The following C16orf74 variants were observed in gnomAD, a reference collection of about 807,000 sequenced individuals.
The protein encoded by C16orf74 is uncharacterized protein C16orf74.
A neutral mutation model predicts 6.5 loss-of-function variants in C16orf74; 10 were observed. The ratio of observed to expected loss-of-function variants is 1.54; its 90% CI spans 0.95 to 2.61. The LOEUF (loss-of-function observed/expected upper bound fraction) is 2.61. C16orf74 is among the 30% of genes most tolerant of loss of function. C16orf74 has a pLI of 0.00. For synonymous variants in C16orf74, 60 were observed against 42.5 expected (o/e 1.41, Z -1.60); for missense variants, 141 against 105.9 (o/e 1.33, Z -1.45).
chr16:85,714,186 G>A (rs1251245457), intron 2 of C16orf74, among the ~76,000 whole-genome samples: 1 of 151,960 alleles, frequency 6.6e-6, no homozygotes, highest in Non-Finnish European at 1.5e-5. Context: ...GGGGAGAGAC[G>A]GCCACGGTCC....
chr16:85,748,211 G>A (rs1286078215), intron 1 of C16orf74, among the ~76,000 whole-genome samples: 1 of 151,632 alleles, frequency 6.6e-6, no homozygotes, highest in Non-Finnish European at 1.5e-5. Context: ...CTGGAAAGGT[G>A]GGACAACTGA....
chr16:85,722,955 T>C (rs1006352433), intron 2 of C16orf74, among the ~76,000 whole-genome samples: 1 of 152,198 alleles, frequency 6.6e-6, no homozygotes, highest in South Asian at 2.1e-4. Context: ...GAAAAGAGGT[T>C]GAGCCACTTG....
chr16:85,727,090 A>T (rs1044591536), intron 2 of C16orf74, among the ~76,000 whole-genome samples: 2 of 152,232 alleles, frequency 1.3e-5, no homozygotes, highest in African/African-American at 4.8e-5. Context: ...TCATCCCTGT[A>T]GCCCCGGCAC....
chr16:85,740,827 C>CAAA (rs57813380), intron 1 of C16orf74, among the ~76,000 whole-genome samples: 10,808 of 97,864 alleles, frequency 0.11, 3,074 homozygotes, highest in African/African-American at 0.41. Context: ...GTGAGACCCT[C>CAAA]AAAAAAAAAA....
At chr16:85,710,437 G>A (rs542456065) in intron 2 of C16orf74, 130 bp from the exon 3 acceptor site, 132 of 803,180 alleles carry the variant, frequency 1.6e-4, no homozygotes, top group Non-Finnish European at 2.3e-4. Context: ...GCAGCAAGGA[G>A]CGCAGCTGTC....
intron 3 of C16orf74, among the ~76,000 whole-genome samples, chr16:85,708,757 C>T (rs956389583): frequency 2.0e-5 from 3 of 152,244 alleles, no homozygotes; most frequent in South Asian, 2.1e-4. Flanking sequence ...AGCTTTCTCC[C>T]AGTCACTCGC....
At chr16:85,709,923 C>A (rs2053951094) in intron 3 of C16orf74, among the ~76,000 whole-genome samples, 2 of 152,256 alleles carry the variant, frequency 1.3e-5, no homozygotes, top group African/African-American at 4.8e-5. Flanking sequence ...ATCCATCAAG[C>A]GTCCTGGCTG....
chr16:85,726,238 C>T (rs918317911), intron 2 of C16orf74, among the ~76,000 whole-genome samples: 20 of 152,314 alleles, frequency 1.3e-4, no homozygotes, highest in African/African-American at 2.6e-4. Context: ...TCCACATTTC[C>T]GTCTCTCCCC....
intron 1 of C16orf74, among the ~76,000 whole-genome samples, chr16:85,737,335 C>A (rs1004720650): frequency 6.6e-6 from 1 of 152,206 alleles, no homozygotes. Context: ...CCACTCAGAA[C>A]CTGCATCCAC....
At chr16:85,725,132 G>A (rs1471490182) in intron 2 of C16orf74, among the ~76,000 whole-genome samples, 1 of 152,230 alleles carries the variant, frequency 6.6e-6, no homozygotes, top group Non-Finnish European at 1.5e-5. Context: ...TGGGCAGGGG[G>A]CGGGGCGAGA....
intron 2 of C16orf74, among the ~76,000 whole-genome samples, chr16:85,712,390 C>G (rs899461242): frequency 6.6e-6 from 1 of 152,250 alleles, no homozygotes; most frequent in African/African-American, 2.4e-5. Flanking sequence ...TACTGACAGT[C>G]AGCAAATCTT....
intron 1 of C16orf74, among the ~76,000 whole-genome samples, chr16:85,742,859 A>T (rs1304092926): frequency 6.6e-6 from 1 of 152,198 alleles, no homozygotes; most frequent in African/African-American, 2.4e-5. Context: ...TTTTCTTTAT[A>T]AATTATCCAG....
intron 2 of C16orf74, among the ~76,000 whole-genome samples, chr16:85,724,426 C>T (rs1384377529): frequency 2.6e-5 from 4 of 152,174 alleles, no homozygotes; most frequent in Non-Finnish European, 5.9e-5. Flanking sequence ...GTTCCTGAGG[C>T]CCCTAGGGAT....
chr16:85,726,350 G>A (rs540817793), intron 2 of C16orf74, among the ~76,000 whole-genome samples: 4 of 152,304 alleles, frequency 2.6e-5, no homozygotes, highest in Non-Finnish European at 4.4e-5. Context: ...GGAGTTGCCC[G>A]GGACACACTC....
intron 2 of C16orf74, among the ~76,000 whole-genome samples, chr16:85,719,209 C>T (rs2054054690): frequency 6.6e-6 from 1 of 152,234 alleles, no homozygotes; most frequent in Non-Finnish European, 1.5e-5. Flanking sequence ...TATTGTGCAC[C>T]TGCTGTGTGC....
chr16:85,714,336 C>T (rs2053997980), intron 2 of C16orf74, among the ~76,000 whole-genome samples: 1 of 152,062 alleles, frequency 6.6e-6, no homozygotes, highest in Admixed American at 6.6e-5. Context: ...GTCACCTCCC[C>T]ACCTTCTGAA....
chr16:85,718,631 G>A (rs147351348), intron 2 of C16orf74, among the ~76,000 whole-genome samples: 1 of 152,202 alleles, frequency 6.6e-6, no homozygotes, highest in East Asian at 1.9e-4. Context: ...GGCATGAGAG[G>A]TTAAGGACCA....
rs2053925608 is a variant in C16orf74, at chr16:85,707,662, G to A, written c.*346C>T. The A allele has an allele frequency of 3.7e-6, 1 of 273,568 alleles. No homozygotes were observed. The highest frequency in any genetic ancestry group is 1.2e-4 in the South Asian group (1 of 8,362). The allele number at this position is 273,568 out of a possible 1,614,324, so 16.9% of individuals were successfully genotyped here. On this transcript the variant is annotated 3_prime_UTR_variant, in exon 4 of 4. Transcript: ENST00000284245. Reference sequence around the variant, plus strand: ...GTTGGTGCTTATGGCAGGGGCATGTGTTTGCACAGCCCTGGGGGCTGGGAG... The same window carrying A: ...GTTGGTGCTTATGGCAGGGGCATGTATTTGCACAGCCCTGGGGGCTGGGAG...
At chr16:85,742,796 C>T (rs2054324674) in intron 1 of C16orf74, among the ~76,000 whole-genome samples, 2 of 152,222 alleles carry the variant, frequency 1.3e-5, no homozygotes, top group Admixed American at 1.3e-4. Flanking sequence ...CTGCCTCAGC[C>T]TCCCAAAGTG....
Sources: allele counts gnomAD v4.1 joint callset (sites outside exome capture counted in the v4.1 genomes callset), GRCh38; gene constraint gnomAD v4.1.1; transcripts MANE v1.5; gene names NCBI Gene and HGNC (gene_info 2026-07-23, HGNC 2026-07-21).